The following ETV6 variants were observed in gnomAD, a reference collection of about 807,000 sequenced individuals.
The protein encoded by ETV6 is transcription factor ETV6.
A neutral mutation model predicts 51.1 loss-of-function variants in ETV6; 16 were observed. The ratio of observed to expected loss-of-function variants is 0.31; its 90% CI spans 0.21 to 0.48. ETV6 has a LOEUF of 0.48. Ranked by LOEUF, ETV6 falls within the 20% of genes least tolerant of loss-of-function variation. The pLI is 0.99. For missense variants in ETV6, 458 were observed against 594.8 expected (o/e 0.77, Z 2.39); for synonymous variants, 240 against 224.1 (o/e 1.07, Z -0.64).
intron 1 of ETV6, among the ~76,000 whole-genome samples, chr12:11,705,851 G>T (rs891931352): frequency 6.6e-6 from 1 of 152,208 alleles, no homozygotes; most frequent in African/African-American, 2.4e-5. Context: ...AGCAGGCCAG[G>T]AGTCAGTTCA....
At chr12:11,650,196 A>G (rs762193995) in intron 1 of ETV6, 36 bp downstream of exon 1, 1 of 1,592,624 alleles carries the variant, frequency 6.3e-7, no homozygotes, top group Non-Finnish European at 8.6e-7. Flanking sequence ...CGTGGTGGAA[A>G]CCCTGAGCTG....
intron 1 of ETV6, among the ~76,000 whole-genome samples, chr12:11,675,776 T>C (rs1351312780): frequency 6.6e-6 from 1 of 151,810 alleles, no homozygotes; most frequent in Non-Finnish European, 1.5e-5. Context: ...ATCATGCCAC[T>C]GTACTTCACG....
intron 3 of ETV6, among the ~76,000 whole-genome samples, chr12:11,842,719 C>T (rs542012091): frequency 6.6e-5 from 10 of 152,154 alleles, no homozygotes; most frequent in Non-Finnish European, 1.5e-4. Context: ...TTGCAACAGA[C>T]ATTTTCCACC....
chr12:11,811,594 T>C (rs1441875541), intron 2 of ETV6, among the ~76,000 whole-genome samples: 1 of 152,210 alleles, frequency 6.6e-6, no homozygotes, highest in African/African-American at 2.4e-5. Flanking sequence ...TCCTGGATGC[T>C]TGTTTTAGTG....
At chr12:11,676,630 CT>C (rs1864426647) in intron 1 of ETV6, among the ~76,000 whole-genome samples, 1 of 152,192 alleles carries the variant, frequency 6.6e-6, no homozygotes, top group Non-Finnish European at 1.5e-5. Context: ...TCTTGAACTC[CT>C]CAAATCTGGA....
At chr12:11,807,930 A>G (rs1250058486) in intron 2 of ETV6, among the ~76,000 whole-genome samples, 2 of 152,212 alleles carry the variant, frequency 1.3e-5, no homozygotes, top group African/African-American at 4.8e-5. Flanking sequence ...CATTTAGCAT[A>G]GTCTTCTAAA....
At chr12:11,653,887 A>G (rs1272010720) in intron 1 of ETV6, among the ~76,000 whole-genome samples, 2 of 152,002 alleles carry the variant, frequency 1.3e-5, no homozygotes, top group East Asian at 3.9e-4. Flanking sequence ...ATCTTGGCTC[A>G]CTGCAACCTC....
intron 2 of ETV6, among the ~76,000 whole-genome samples, chr12:11,759,788 C>T (rs1453292756): frequency 6.6e-6 from 1 of 151,998 alleles, no homozygotes; most frequent in East Asian, 1.9e-4. Flanking sequence ...CTTGAATGTG[C>T]TTCTCTAAGT....
intron 2 of ETV6, among the ~76,000 whole-genome samples, chr12:11,796,120 G>A (rs954252542): frequency 2.6e-5 from 4 of 152,076 alleles, no homozygotes; most frequent in African/African-American, 9.7e-5. Flanking sequence ...TTCACTTGAC[G>A]TAGATAAAAT....
chr12:11,854,557 A>G (rs1462523846), intron 4 of ETV6, among the ~76,000 whole-genome samples: 1 of 152,228 alleles, frequency 6.6e-6, no homozygotes, highest in African/African-American at 2.4e-5. Context: ...CCACTCTTTT[A>G]TTACAGAAAA....
chr12:11,797,814 T>C (rs1474358052), intron 2 of ETV6, among the ~76,000 whole-genome samples: 1 of 152,200 alleles, frequency 6.6e-6, no homozygotes, highest in Non-Finnish European at 1.5e-5. Flanking sequence ...ACTTATGGTA[T>C]GCACAAATCT....
At chr12:11,840,626 C>T (rs189993965) in intron 3 of ETV6, 7 of 404,994 alleles carry the variant, frequency 1.7e-5, no homozygotes, top group Admixed American at 1.4e-4. Flanking sequence ...GATAAAGCCC[C>T]AGCACCCGTA....
chr12:11,869,332 C>G lies in ETV6; in HGVS notation c.464-92C>G, dbSNP rs1435432605. 2.7e-6 allele frequency: 3 copies of G among 1,118,842 alleles called. No homozygotes were observed. The highest frequency in any genetic ancestry group is 1.6e-5 in the African/African-American group (1 of 64,338). The allele number at this position is 1,118,842 out of a possible 1,614,324, so 69.3% of individuals were successfully genotyped here. A position where few individuals can be genotyped will look rare whatever the true frequency, so the allele number is the denominator to read the frequency against. On this transcript the variant is annotated intron_variant, in intron 4 of 7. Transcript: ENST00000396373. This position sits in a 1 kb window ranked among gnomAD's most constrained non-coding sequence, Gnocchi z 5.0. ...GAAAGGTCCTTTACACATACCTACA[C>G]GCTCCTCCATTTACCGCCTGTAGAG...
At chr12:11,658,493 T>TGG (rs1293561999) in intron 1 of ETV6, among the ~76,000 whole-genome samples, 2 of 152,294 alleles carry the variant, frequency 1.3e-5, no homozygotes, top group African/African-American at 4.8e-5. Context: ...CCTCGGCCTC[T>TGG]GAAAGTGCTG....
At chr12:11,888,393 CT>C (rs869299738) in intron 7 of ETV6, among the ~76,000 whole-genome samples, 1 of 48,290 alleles carries the variant, frequency 2.1e-5, no homozygotes, top group African/African-American at 6.5e-5. Context: ...CTTTTCTTTT[CT>C]TTTCTTTTTT....
chr12:11,847,477 C>T (rs1030055887), intron 3 of ETV6, among the ~76,000 whole-genome samples: 1 of 152,108 alleles, frequency 6.6e-6, no homozygotes, highest in Non-Finnish European at 1.5e-5. Flanking sequence ...AGGTGAGAGA[C>T]CTGGGGAACC....
At chr12:11,746,264 T>G (rs1043557048) in intron 1 of ETV6, among the ~76,000 whole-genome samples, 1 of 152,200 alleles carries the variant, frequency 6.6e-6, no homozygotes, top group Non-Finnish European at 1.5e-5. Context: ...GTTGGCATTA[T>G]AAAGCAGTTC....
intron 2 of ETV6, among the ~76,000 whole-genome samples, chr12:11,798,958 C>A (rs1164031026): frequency 6.6e-6 from 1 of 152,148 alleles, no homozygotes; most frequent in African/African-American, 2.4e-5. Context: ...TACCCAAGAC[C>A]CAGTATCTGC....
At chr12:11,832,731 G>A (rs1946262628) in intron 2 of ETV6, among the ~76,000 whole-genome samples, 1 of 152,204 alleles carries the variant, frequency 6.6e-6, no homozygotes, top group South Asian at 2.1e-4. Flanking sequence ...TATCAGGAAG[G>A]CGTTTCGTTG....
Sources: allele counts gnomAD v4.1 joint callset (sites outside exome capture counted in the v4.1 genomes callset), GRCh38; gene constraint gnomAD v4.1.1; non-coding constraint Gnocchi (gnomAD v3.1); transcripts MANE v1.5; gene names NCBI Gene and HGNC (gene_info 2026-07-23, HGNC 2026-07-21).